Variants in CCDC138 observed in about 807,000 individuals in gnomAD.
The protein encoded by CCDC138 is coiled-coil domain-containing protein 138.
Under a neutral mutation model 82.3 loss-of-function variants are expected in CCDC138, and 66 were observed. That is an observed-to-expected ratio of 0.80 (90% CI 0.66 to 0.98). CCDC138 has a LOEUF of 0.98. CCDC138 is among the 50% of genes least tolerant of loss of function. The probability of loss-of-function intolerance (pLI) is 0.00; values close to 1 mark genes in which losing one functional copy is unlikely to be tolerated. For missense variants in CCDC138, 816 were observed against 758.9 expected (o/e 1.08, Z -0.88); for synonymous variants, 297 against 265.4 (o/e 1.12, Z -1.16).
At chr2:108,882,210 A>G (rs1244617159) in intron 1 of CCDC138, 1 of 152,192 alleles carries the variant, frequency 6.6e-6, no homozygotes, top group Admixed American at 6.5e-5. Context: ...GACAGATATA[A>G]TAACATAATA....
chr2:108,796,484 A>G (rs1680914623), intron 5 of CCDC138, among the ~76,000 whole-genome samples: 1 of 152,194 alleles, frequency 6.6e-6, no homozygotes, highest in Non-Finnish European at 1.5e-5. Context: ...TCCTGGGTAT[A>G]TCCCCGAAAA....
chr2:108,825,384 T>G (rs889546242), intron 10 of CCDC138, among the ~76,000 whole-genome samples: 22 of 152,062 alleles, frequency 1.4e-4, no homozygotes, highest in African/African-American at 5.1e-4. Context: ...CACAGAGTTG[T>G]GCAACCATCG....
chr2:108,847,517 A>C (rs1690696481), intron 12 of CCDC138, among the ~76,000 whole-genome samples: 1 of 152,214 alleles, frequency 6.6e-6, no homozygotes, highest in African/African-American at 2.4e-5. Flanking sequence ...CACCTAGTGT[A>C]GTGCTTCATA....
At chr2:108,871,769 C>A (rs927047854) in intron 13 of CCDC138, among the ~76,000 whole-genome samples, 28 of 152,134 alleles carry the variant, frequency 1.8e-4, no homozygotes, top group African/African-American at 6.8e-4. Flanking sequence ...TTGCACTTTT[C>A]ATCTTCCCCG....
intron 11 of CCDC138, among the ~76,000 whole-genome samples, chr2:108,843,844 T>TTTTG (rs1553424666): frequency 8.8e-5 from 2 of 22,808 alleles, no homozygotes; most frequent in Non-Finnish European, 2.2e-4. Flanking sequence ...AGTTCATGTT[T>TTTTG]TGTGTGTGTG....
intron 9 of CCDC138, among the ~76,000 whole-genome samples, chr2:108,814,645 TTTA>T (rs1175927095): frequency 1.8e-4 from 28 of 151,400 alleles, no homozygotes; most frequent in Non-Finnish European, 1.9e-4. Context: ...TTTTTGTTTT[TTTA>T]TTTTTTAATT....
chr2:108,828,755 G>C (rs537745066), intron 10 of CCDC138, among the ~76,000 whole-genome samples: 7 of 152,246 alleles, frequency 4.6e-5, no homozygotes, highest in African/African-American at 1.7e-4. Context: ...GAGGTGGACA[G>C]ATCACCAGGT....
At chr2:108,848,145 T>C (rs747118092) in intron 12 of CCDC138, among the ~76,000 whole-genome samples, 20 of 152,150 alleles carry the variant, frequency 1.3e-4, no homozygotes, top group Non-Finnish European at 2.5e-4. Flanking sequence ...ATAAGAAAAA[T>C]TATTAATCAT....
At chr2:108,858,568 C>T (rs539401968) in intron 13 of CCDC138, among the ~76,000 whole-genome samples, 11 of 152,116 alleles carry the variant, frequency 7.2e-5, no homozygotes, top group East Asian at 3.9e-4. Context: ...TCAGCCAGTA[C>T]GATTTATTAG....
intron 10 of CCDC138, among the ~76,000 whole-genome samples, chr2:108,819,170 G>C (rs929524136): frequency 5.9e-5 from 9 of 152,114 alleles, no homozygotes; most frequent in African/African-American, 9.7e-5. Flanking sequence ...ATGTTAGTGA[G>C]AATTATAGAG....
chr2:108,843,721 T>G (rs368885948), intron 11 of CCDC138, among the ~76,000 whole-genome samples: 1 of 152,082 alleles, frequency 6.6e-6, no homozygotes. Flanking sequence ...TTGACTATGA[T>G]GGGTCTTGGT....
At chr2:108,813,594 T>C (rs1684271403) in intron 9 of CCDC138, among the ~76,000 whole-genome samples, 1 of 152,214 alleles carries the variant, frequency 6.6e-6, no homozygotes, top group Admixed American at 6.5e-5. Flanking sequence ...TTTCCATATG[T>C]CTTTTTTTCC....
chr2:108,825,834 G>A (rs1391246962), intron 10 of CCDC138, among the ~76,000 whole-genome samples: 1 of 152,152 alleles, frequency 6.6e-6, no homozygotes, highest in African/African-American at 2.4e-5. Flanking sequence ...AACTGCTAAA[G>A]TGCCAGACTG....
intron 9 of CCDC138, among the ~76,000 whole-genome samples, chr2:108,815,393 T>C (rs79024072): frequency 0.013 from 1,982 of 151,986 alleles, 47 homozygotes; most frequent in African/African-American, 0.046. Flanking sequence ...TTCCTGATTA[T>C]GACTTTTCTT....
intron 12 of CCDC138, among the ~76,000 whole-genome samples, chr2:108,853,914 G>GTA (rs1229854822): frequency 5.5e-5 from 6 of 109,634 alleles, no homozygotes; most frequent in South Asian, 2.5e-4. Context: ...ATATTATATA[G>GTA]TATATATATT....
chr2:108,831,494 T>C (rs1687611204), intron 10 of CCDC138, among the ~76,000 whole-genome samples: 1 of 152,142 alleles, frequency 6.6e-6, no homozygotes, highest in South Asian at 2.1e-4. Flanking sequence ...GATAAAGATA[T>C]AAATGAAGTG....
chr2:108,787,784 T>A (rs1679153384), intron 1 of CCDC138, among the ~76,000 whole-genome samples: 1 of 152,096 alleles, frequency 6.6e-6, no homozygotes, highest in South Asian at 2.1e-4. Flanking sequence ...TAGATGCTTC[T>A]TCGTTAGATT....
intron 10 of CCDC138, among the ~76,000 whole-genome samples, chr2:108,822,519 T>C (rs1348666700): frequency 1.3e-5 from 2 of 152,186 alleles, no homozygotes; most frequent in South Asian, 2.1e-4. Flanking sequence ...TTCTCAAGTG[T>C]ACATGGAACA....
chr2:108,788,681 C>T (rs372085573), intron 2 of CCDC138, 171 bp from the exon 3 acceptor site: 56 of 452,688 alleles, frequency 1.2e-4, no homozygotes, highest in African/African-American at 8.1e-4. Flanking sequence ...GATTGCGCCA[C>T]TGCACTCCAG....
Sources: gnomAD v4.1 joint callset for allele counts (sites outside exome capture counted in the v4.1 genomes callset) on GRCh38, gnomAD v4.1.1 for gene constraint, MANE v1.5 for transcripts, NCBI Gene and HGNC (gene_info 2026-07-23, HGNC 2026-07-21) for gene names.